GNG7: variants seen among roughly 807,000 people sequenced by gnomAD.
GNG7 encodes the protein G protein subunit gamma 7.
In GNG7, 1 loss-of-function variant was observed where a neutral mutation model predicts 4.0. That is an observed-to-expected ratio of 0.25 (90% CI 0.09 to 1.18). The LOEUF is 1.18. Ranked by LOEUF, GNG7 falls within the 50% of genes most tolerant of loss-of-function variation. GNG7 has a pLI of 0.50. For missense variants in GNG7, 86 were observed against 91.9 expected (o/e 0.94, Z 0.26); for synonymous variants, 34 against 36.9 (o/e 0.92, Z 0.29).
In GNG7 at chr19:2,609,038, T is replaced by C. The variant is rs1981480520; in HGVS notation, c.-78+37186A>G. On this transcript the variant is annotated intron_variant, in intron 2 of 4. Transcript: ENST00000382159. This position sits in a 1 kb window ranked among gnomAD's most constrained non-coding sequence, Gnocchi z 4.4. ...TCTCTCTCTCTCTCTCTCTCTTTTT[T>C]TGTTTTGAGACAGGGTCTCACTCCA... 6.6e-6 allele frequency among the ~76,000 whole-genome samples: 1 copy of C among 151,936 alleles called. No homozygotes were observed. The highest frequency in any genetic ancestry group is 2.4e-5 in the African/African-American group (1 of 41,346).
At position 2,598,992 on chromosome 19, in the gene GNG7, A is replaced by C. The variant is rs1405523611; in HGVS notation, c.-77-43804T>G. On this transcript the variant is annotated intron_variant, in intron 2 of 4. Transcript: ENST00000382159. ...AAAATTGGAAAGTGAAGTTTCTAGC[A>C]TACAGTTCCACCGAGGGCCCATGAT... Among the ~76,000 whole-genome samples the C allele has an allele frequency of 2.6e-5, 4 of 152,320 alleles. 1 individual carries two copies. Among genetic ancestry groups the C allele is most frequent in the Admixed American group, 1.3e-4 (2 of 15,298 alleles).
Position 2,617,287 on chromosome 19 carries a change from G to A in GNG7, c.-78+28937C>T, listed in dbSNP as rs896931384. On this transcript the variant is annotated intron_variant, in intron 2 of 4. Coordinates refer to ENST00000382159, the MANE Select transcript of GNG7 (RefSeq NM_052847.3). The surrounding 1 kb of genome is among the most constrained non-coding windows in gnomAD (Gnocchi z 4.7). ...GGCAAACCTGTCCCACTTAAGAACC[G>A]CTGGCCTGGACCAGAAACTGGATCT... 5.3e-5 allele frequency among the ~76,000 whole-genome samples: 8 copies of A among 152,110 alleles called. No individual in the cohort carries two copies. Among genetic ancestry groups the A allele is most frequent in the South Asian group, 2.1e-4 (1 of 4,836 alleles).
chr19:2,658,162 A>G (rs1055259362), intron 1 of GNG7, among the ~76,000 whole-genome samples: 2 of 151,988 alleles, frequency 1.3e-5, no homozygotes, highest in African/African-American at 4.8e-5. Flanking sequence ...TCTCGTCTCC[A>G]CACACGGGGA....
intron 4 of GNG7, among the ~76,000 whole-genome samples, chr19:2,518,179 G>C (rs989456796): frequency 6.6e-6 from 1 of 152,118 alleles, no homozygotes; most frequent in South Asian, 2.1e-4. Flanking sequence ...TCTGGTCGCC[G>C]CGTTGGAGCT....
At position 2,609,924 on chromosome 19, in the gene GNG7, G is replaced by A. The variant is rs950471528; in HGVS notation, c.-78+36300C>T. ...ATTGAACGGTACAGGAAAAGCAGGAGAGCGTGCACCTTAAACGGCCAAGGT... is the reference window on the plus strand; with the variant it reads ...ATTGAACGGTACAGGAAAAGCAGGAAAGCGTGCACCTTAAACGGCCAAGGT... On this transcript the variant is annotated intron_variant, in intron 2 of 4. Transcript: ENST00000382159. This position sits in a 1 kb window ranked among gnomAD's most constrained non-coding sequence, Gnocchi z 4.4. 3.3e-5 allele frequency among the ~76,000 whole-genome samples: 5 copies of A among 152,076 alleles called. No homozygotes were observed. The highest frequency in any genetic ancestry group is 1.2e-4 in the African/African-American group (5 of 41,404).
At chr19:2,577,287 G>A (rs534137747) in intron 2 of GNG7, among the ~76,000 whole-genome samples, 54 of 152,274 alleles carry the variant, frequency 3.5e-4, no homozygotes, top group East Asian at 5.8e-4. Context: ...TTGGGGCTGC[G>A]TCTCATCCAA....
At chr19:2,665,305 G>A (rs1218218318) in intron 1 of GNG7, among the ~76,000 whole-genome samples, 2 of 151,388 alleles carry the variant, frequency 1.3e-5, no homozygotes, top group Non-Finnish European at 2.9e-5. Context: ...TGCATGCCCG[G>A]AGCACTTCTC....
chr19:2,576,453 G>A (rs562609581), intron 2 of GNG7, among the ~76,000 whole-genome samples: 35 of 152,326 alleles, frequency 2.3e-4, no homozygotes, highest in Non-Finnish European at 4.7e-4. Context: ...GGCGGGGGAC[G>A]GGCACTGCAG....
chr19:2,530,218 G>C (rs1258255548), intron 3 of GNG7, among the ~76,000 whole-genome samples: 1 of 152,082 alleles, frequency 6.6e-6, no homozygotes, highest in Non-Finnish European at 1.5e-5. Flanking sequence ...TTTGAGACCA[G>C]CCTGGCCAAC....
Position 2,628,604 on chromosome 19 carries a change from C to G in GNG7, c.-78+17620G>C, listed in dbSNP as rs563483084. Among the ~76,000 whole-genome samples the G allele has an allele frequency of 2.0e-3, 297 of 149,994 alleles. 1 individual carries two copies. The highest frequency in any genetic ancestry group is 2.9e-3 in the Non-Finnish European group (199 of 67,982). The stretch of plus-strand genomic sequence containing the variant: ...TTCAGTGATGTTAAGTATACTCACA[C>G]TGCTGTGCAATGGCTCTCCAGAACC... On this transcript the variant is annotated intron_variant, in intron 2 of 4. Coordinates refer to ENST00000382159, the MANE Select transcript of GNG7 (RefSeq NM_052847.3).
rs551108324 is a variant in GNG7, at chr19:2,561,876, T to C, written c.-77-6688A>G. Among the ~76,000 whole-genome samples the C allele has an allele frequency of 2.0e-5, 3 of 152,048 alleles. No homozygotes were observed. The East Asian group carries it at 5.8e-4, about 29-fold the overall frequency. ...AGCCTGGGTGACAAGAGCAAAACTC[T>C]GTCTAAAAAAAAAGAAATGACACTG... On this transcript the variant is annotated intron_variant, in intron 2 of 4. Coordinates refer to ENST00000382159, the MANE Select transcript of GNG7 (RefSeq NM_052847.3).
Position 2,633,597 on chromosome 19 carries a change from C to A in GNG7, c.-78+12627G>T, listed in dbSNP as rs1221882261. 6.6e-6 allele frequency among the ~76,000 whole-genome samples: 1 copy of A among 151,426 alleles called. No homozygotes were observed. Among genetic ancestry groups the A allele is most frequent in the Non-Finnish European group, 1.5e-5 (1 of 67,816 alleles). On this transcript the variant is annotated intron_variant, in intron 2 of 4. Coordinates refer to ENST00000382159, the MANE Select transcript of GNG7 (RefSeq NM_052847.3). The surrounding 1 kb of genome is among the most constrained non-coding windows in gnomAD (Gnocchi z 5.9). Reference sequence around the variant, plus strand: ...GGGCTCGGTGGTCGTGGATGTGAGCCTCTCTGGGTATGGAGCCTCAATCAG... The same window carrying A: ...GGGCTCGGTGGTCGTGGATGTGAGCATCTCTGGGTATGGAGCCTCAATCAG...
intron 2 of GNG7, among the ~76,000 whole-genome samples, chr19:2,583,686 G>T (rs966810570): frequency 6.6e-6 from 1 of 152,178 alleles, no homozygotes; most frequent in African/African-American, 2.4e-5. Flanking sequence ...TAAAAGTAAA[G>T]AAATAATAAA....
At chr19:2,528,844 G>A (rs1020995602) in intron 3 of GNG7, among the ~76,000 whole-genome samples, 2 of 152,210 alleles carry the variant, frequency 1.3e-5, no homozygotes, top group African/African-American at 4.8e-5. Context: ...GGAAACAGGG[G>A]TTCCAGAGTC....
rs544117198 is a variant in GNG7 at position 2,520,791 on chromosome 19, C to A, written c.-37-66G>T. On this transcript the variant is annotated intron_variant, in intron 3 of 4. Coordinates refer to ENST00000382159, the MANE Select transcript of GNG7 (RefSeq NM_052847.3). ...AGGCCTCTGGGTGGCAGCAGGGGCG[C>A]CCGGCCTTGGCTCAACCTTCCCGAC... 1.2e-5 allele frequency: 9 copies of A among 730,560 alleles called. No homozygotes were observed. In the East Asian group the frequency reaches 2.2e-4, roughly 18 times the overall value. The allele number at this position is 730,560 out of a possible 1,614,324, so 45.3% of individuals were successfully genotyped here.
At chr19:2,657,618 G>A (rs1983030946) in intron 1 of GNG7, among the ~76,000 whole-genome samples, 1 of 150,524 alleles carries the variant, frequency 6.6e-6, no homozygotes, top group African/African-American at 2.4e-5. Context: ...GAGAGGCTGA[G>A]GCAGGAGGAT....
In GNG7 at chr19:2,600,261, T is replaced by A. The variant is rs139167770; in HGVS notation, c.-77-45073A>T. Among the ~76,000 whole-genome samples, 996 of 148,036 alleles carry A rather than the reference T, an allele frequency of 6.7e-3. 5 individuals carry two copies. Among genetic ancestry groups the A allele is most frequent in the African/African-American group, 0.025 (957 of 39,018 alleles). On this transcript the variant is annotated intron_variant, in intron 2 of 4. Transcript: ENST00000382159. ...CGTTTAAGTGAAAAGTAACTATTTT[T>A]CAAAAAAAAAAAACATTGAGGGGAA...
chr19:2,592,975 G>A (rs1444113590), intron 2 of GNG7, among the ~76,000 whole-genome samples: 2 of 145,108 alleles, frequency 1.4e-5, no homozygotes, highest in African/African-American at 2.6e-5. Context: ...AGGGAGGGAG[G>A]GAGAGAGGGA....
chr19:2,554,420 T>A (rs1023068558), intron 3 of GNG7, among the ~76,000 whole-genome samples: 11 of 149,504 alleles, frequency 7.4e-5, no homozygotes, highest in Non-Finnish European at 1.6e-4. Context: ...CATAGCTCAC[T>A]GCAACCCCGA....
Sources: gnomAD v4.1 joint callset for allele counts (sites outside exome capture counted in the v4.1 genomes callset) on GRCh38, gnomAD v4.1.1 for gene constraint, Gnocchi (gnomAD v3.1) non-coding constraint, MANE v1.5 for transcripts, NCBI Gene and HGNC (gene_info 2026-07-23, HGNC 2026-07-21) for gene names.